Variants in NRG3 observed in about 807,000 individuals in gnomAD.
The protein encoded by NRG3 is pro-neuregulin-3, membrane-bound isoform.
Under a neutral mutation model 66.9 loss-of-function variants are expected in NRG3, and 31 were observed. That is an observed-to-expected ratio of 0.46 (90% CI 0.35 to 0.63). The LOEUF (loss-of-function observed/expected upper bound fraction) is 0.63. Among genes scored for constraint, NRG3 ranks in the 20% least tolerant of loss-of-function variants. The pLI, the probability that NRG3 is intolerant of heterozygous loss-of-function variation, is 0.00. For synonymous variants in NRG3, 393 were observed against 359.4 expected (o/e 1.09, Z -1.06); for missense variants, 910 against 878.9 (o/e 1.04, Z -0.45).
At chr10:82,400,296 C>T (rs1442949800) in intron 2 of NRG3, among the ~76,000 whole-genome samples, 2 of 152,122 alleles carry the variant, frequency 1.3e-5, no homozygotes, top group South Asian at 2.1e-4. Context: ...ATTTTATCCT[C>T]TCAGCATCCC....
chr10:82,444,498 A>G (rs1274816067), intron 2 of NRG3, among the ~76,000 whole-genome samples: 1 of 152,222 alleles, frequency 6.6e-6, no homozygotes, highest in Non-Finnish European at 1.5e-5. Context: ...ATTGATAAAT[A>G]AATAATATAT....
intron 2 of NRG3, among the ~76,000 whole-genome samples, chr10:82,729,638 A>C (rs765236981): frequency 2.6e-5 from 4 of 152,164 alleles, no homozygotes; most frequent in Non-Finnish European, 4.4e-5. Context: ...AGAGGCAGAA[A>C]TCTCTATAAA....
chr10:82,437,469 A>G (rs2090201333), intron 2 of NRG3, among the ~76,000 whole-genome samples: 2 of 151,830 alleles, frequency 1.3e-5, no homozygotes, highest in Admixed American at 6.6e-5. Context: ...GCTTCTTTGC[A>G]TTGTGTTAGA....
chr10:82,710,528 G>A (rs2056594835), intron 2 of NRG3, among the ~76,000 whole-genome samples: 1 of 137,632 alleles, frequency 7.3e-6, no homozygotes, highest in Non-Finnish European at 1.5e-5. Flanking sequence ...GGAGGTTGCA[G>A]TGAGCCGAGA....
chr10:81,923,512 G>T (rs1217715963), intron 1 of NRG3, among the ~76,000 whole-genome samples: 1 of 152,148 alleles, frequency 6.6e-6, no homozygotes, highest in Non-Finnish European at 1.5e-5. Context: ...GCCGAATTTG[G>T]AATTTCTTGT....
intron 2 of NRG3, among the ~76,000 whole-genome samples, chr10:82,536,032 C>A (rs1317438444): frequency 6.6e-6 from 1 of 151,762 alleles, no homozygotes; most frequent in East Asian, 1.9e-4. Context: ...ATTATATCTG[C>A]TTTGTAAATG....
At position 82,899,836 on chromosome 10, in the gene NRG3, T is replaced by C. The variant is rs1055921503; in HGVS notation, c.1054+34399T>C. Reference sequence around the variant, plus strand: ...ATAGGCAGGTCTGCTCTAAGAATAGTAGAAGGTAGAAGAAATTAATGGTTA... The same window carrying C: ...ATAGGCAGGTCTGCTCTAAGAATAGCAGAAGGTAGAAGAAATTAATGGTTA... On this transcript the variant is annotated intron_variant, in intron 4 of 8. Coordinates refer to ENST00000372141, the MANE Select transcript of NRG3 (RefSeq NM_001010848.4). Among the ~76,000 whole-genome samples the C allele has an allele frequency of 2.0e-4, 30 of 152,112 alleles. 1 individual carries two copies.
chr10:82,013,160 C>T (rs1437837700), intron 1 of NRG3, among the ~76,000 whole-genome samples: 4 of 152,154 alleles, frequency 2.6e-5, no homozygotes. Context: ...TGGGAGGCCT[C>T]ACAAGCATGG....
chr10:82,377,334 C>G (rs74780194), intron 2 of NRG3, among the ~76,000 whole-genome samples: 5,368 of 152,156 alleles, frequency 0.035, 156 homozygotes, highest in African/African-American at 0.079. Context: ...ACCAGAGCCT[C>G]TTAGCTTTGC....
intron 2 of NRG3, among the ~76,000 whole-genome samples, chr10:82,381,241 G>A (rs2085596374): frequency 6.6e-6 from 1 of 152,058 alleles, no homozygotes. Context: ...AGCGGTTTTT[G>A]TATGTAATGG....
intron 2 of NRG3, among the ~76,000 whole-genome samples, chr10:82,680,665 G>T (rs758480380): frequency 6.6e-6 from 1 of 152,138 alleles, no homozygotes; most frequent in Non-Finnish European, 1.5e-5. Flanking sequence ...GCTATGAGCC[G>T]ACAGGGTTGA....
At chr10:82,439,870 A>T (rs1382959432) in intron 2 of NRG3, among the ~76,000 whole-genome samples, 1 of 152,034 alleles carries the variant, frequency 6.6e-6, no homozygotes, top group African/African-American at 2.4e-5. Flanking sequence ...TTATGGTATT[A>T]TGTTTATTAG....
chr10:81,883,849 A>G (rs1842390402), intron 1 of NRG3, among the ~76,000 whole-genome samples: 1 of 151,930 alleles, frequency 6.6e-6, no homozygotes, highest in Non-Finnish European at 1.5e-5. Context: ...TTTTACTTTT[A>G]GTAATGTAGA....
chr10:82,015,835 T>C (rs1390412023), intron 1 of NRG3, among the ~76,000 whole-genome samples: 3 of 151,980 alleles, frequency 2.0e-5, no homozygotes, highest in African/African-American at 4.8e-5. Flanking sequence ...AGTTTTCTTA[T>C]CTGTGAAATG....
At chr10:82,808,198 TA>T (rs34300474) in intron 3 of NRG3, among the ~76,000 whole-genome samples, 102 of 146,896 alleles carry the variant, frequency 6.9e-4, no homozygotes, top group Middle Eastern at 3.5e-3. Flanking sequence ...ACACACGTAG[TA>T]AAAAAAAAAA....
intron 1 of NRG3, among the ~76,000 whole-genome samples, chr10:82,210,968 C>T (rs562239909): frequency 1.3e-5 from 2 of 149,788 alleles, no homozygotes; most frequent in Admixed American, 1.3e-4. Context: ...TGTAAGAGAT[C>T]CATCATCATT....
intron 4 of NRG3, among the ~76,000 whole-genome samples, chr10:82,898,148 A>C (rs73309593): frequency 0.039 from 5,998 of 152,230 alleles, 139 homozygotes; most frequent in Middle Eastern, 0.1. Flanking sequence ...GGTAAGTTCC[A>C]CAGCCTCTTG....
intron 1 of NRG3, among the ~76,000 whole-genome samples, chr10:81,967,178 T>C (rs11191971): frequency 0.17 from 25,768 of 151,826 alleles, 3,172 homozygotes; most frequent in East Asian, 0.34. Flanking sequence ...TTGAATACAA[T>C]ATCATCTATA....
At chr10:82,328,818 G>A (rs1207075357) in intron 1 of NRG3, among the ~76,000 whole-genome samples, 2 of 152,140 alleles carry the variant, frequency 1.3e-5, no homozygotes, top group Admixed American at 6.6e-5. Context: ...GGAAGATGTA[G>A]GAGCATACTA....
Sources: allele counts gnomAD v4.1 joint callset (sites outside exome capture counted in the v4.1 genomes callset), GRCh38; gene constraint gnomAD v4.1.1; transcripts MANE v1.5; gene names NCBI Gene and HGNC (gene_info 2026-07-23, HGNC 2026-07-21).